AUTS2: variants seen among roughly 807,000 people sequenced by gnomAD.
The protein encoded by AUTS2 is autism susceptibility gene 2 protein.
A neutral mutation model predicts 112.4 loss-of-function variants in AUTS2; 17 were observed. The ratio of observed to expected loss-of-function variants is 0.15; its 90% confidence interval spans 0.10 to 0.23. The LOEUF is 0.23. AUTS2 is among the 10% of genes least tolerant of loss of function. AUTS2 has a pLI of 1.00. For missense variants in AUTS2, 1,510 were observed against 1,701.6 expected (o/e 0.89, Z 1.98); for synonymous variants, 751 against 702.7 (o/e 1.07, Z -1.09).
At chr7:70,318,246 A>G (rs1192659378) in intron 4 of AUTS2, among the ~76,000 whole-genome samples, 2 of 152,082 alleles carry the variant, frequency 1.3e-5, no homozygotes, top group Non-Finnish European at 2.9e-5. Context: ...TCATAGGTAG[A>G]GTGTAGGACA....
At chr7:70,408,179 GAAAA>G (rs773854684) in intron 4 of AUTS2, among the ~76,000 whole-genome samples, 1 of 137,082 alleles carries the variant, frequency 7.3e-6, no homozygotes, top group African/African-American at 2.7e-5. Context: ...AGACCCTGTG[GAAAA>G]AAAAAAAAAA....
intron 1 of AUTS2, among the ~76,000 whole-genome samples, chr7:69,600,428 T>TGTGA (rs1249418122): frequency 2.6e-5 from 4 of 150,992 alleles, no homozygotes; most frequent in South Asian, 2.1e-4. Context: ...TGTGTGTGTG[T>TGTGA]GTGTGTGTGT....
chr7:69,899,574 C>T (rs1411555984), intron 2 of AUTS2, 76 bp downstream of exon 2: 27 of 1,388,722 alleles, frequency 1.9e-5, no homozygotes, highest in East Asian at 6.9e-5. Context: ...TGTGGTTTTT[C>T]GTAACAGGTG....
At chr7:70,572,937 G>A (rs1200231314) in intron 5 of AUTS2, among the ~76,000 whole-genome samples, 1 of 152,216 alleles carries the variant, frequency 6.6e-6, no homozygotes, top group Non-Finnish European at 1.5e-5. Context: ...GCTAGCTTCA[G>A]AGACTAGATC....
At chr7:69,644,460 TG>T (rs1794933697) in intron 1 of AUTS2, among the ~76,000 whole-genome samples, 1 of 151,756 alleles carries the variant, frequency 6.6e-6, no homozygotes, top group African/African-American at 2.4e-5. Flanking sequence ...TGGGAAGTTA[TG>T]TAGTGAATTC....
chr7:70,769,975 A>AT (rs1344781665), intron 10 of AUTS2, among the ~76,000 whole-genome samples: 1 of 152,210 alleles, frequency 6.6e-6, no homozygotes, highest in Non-Finnish European at 1.5e-5. Context: ...AATTGTAAAC[A>AT]TTAAAGGGAA....
chr7:70,135,881 A>G (rs1210705345), intron 4 of AUTS2, among the ~76,000 whole-genome samples: 2 of 152,154 alleles, frequency 1.3e-5, no homozygotes, highest in African/African-American at 2.4e-5. Context: ...GAGATGCTGG[A>G]AGTAAAATCT....
intron 4 of AUTS2, among the ~76,000 whole-genome samples, chr7:70,408,977 T>G (rs1463703253): frequency 6.6e-6 from 1 of 152,230 alleles, no homozygotes; most frequent in Non-Finnish European, 1.5e-5. Flanking sequence ...ATTTGAAGCA[T>G]TATAAATCTA....
chr7:70,118,355 C>T (rs148780048), intron 3 of AUTS2, 122 bp downstream of exon 3: 6 of 1,157,670 alleles, frequency 5.2e-6, no homozygotes, highest in Middle Eastern at 3.1e-4. Flanking sequence ...TTTTGTCTAC[C>T]CAAGCATTGC....
chr7:70,482,933 T>A (rs1196321083), intron 5 of AUTS2, among the ~76,000 whole-genome samples: 1 of 152,204 alleles, frequency 6.6e-6, no homozygotes, highest in Non-Finnish European at 1.5e-5. Context: ...AGGAGGATAA[T>A]TGTGTGGAAC....
At position 69,863,090 on chromosome 7, in the gene AUTS2, TACATTCTTACATAC is replaced by T. The variant is rs1241637941; in HGVS notation, c.310-36191_310-36178del. On this transcript the variant is annotated intron_variant, in intron 1 of 18. Transcript: ENST00000342771. ...GAGGACTCGGGGTGGTGATAGGGTG[TACATTCTTACATAC>T]ACATATGTGTATATTTGTATATACA... Among the ~76,000 whole-genome samples the T allele has an allele frequency of 2.6e-5, 4 of 152,302 alleles. No individual in the cohort carries two copies. In the East Asian group the frequency reaches 7.7e-4, roughly 29 times the overall value.
At chr7:70,160,389 T>C (rs1808012345) in intron 4 of AUTS2, among the ~76,000 whole-genome samples, 1 of 152,202 alleles carries the variant, frequency 6.6e-6, no homozygotes, top group South Asian at 2.1e-4. Context: ...TAATTCTAGA[T>C]GTGTGAATTC....
rs552083338 is a variant in AUTS2, at chr7:70,430,937, G to T, written c.661-4815G>T. Reference sequence around the variant, plus strand: ...TGCAAGCTCCGCCTCCCGGGTTCGCGCCATTCTCCTGCCTCAGCCTCCCAA... The same window carrying T: ...TGCAAGCTCCGCCTCCCGGGTTCGCTCCATTCTCCTGCCTCAGCCTCCCAA... On this transcript the variant is annotated intron_variant, in intron 4 of 18. Transcript: ENST00000342771. 1.3e-3 allele frequency among the ~76,000 whole-genome samples: 198 copies of T among 148,274 alleles called. 1 individual carries two copies. In the Middle Eastern group the frequency reaches 0.014, roughly 11 times the overall value.
At chr7:70,392,091 T>C (rs1349356629) in intron 4 of AUTS2, among the ~76,000 whole-genome samples, 1 of 152,180 alleles carries the variant, frequency 6.6e-6, no homozygotes, top group African/African-American at 2.4e-5. Context: ...AGATAACTCA[T>C]AGTATGCTAT....
intron 1 of AUTS2, among the ~76,000 whole-genome samples, chr7:69,732,671 TA>T (rs1418643633): frequency 1.3e-5 from 2 of 152,112 alleles, no homozygotes; most frequent in African/African-American, 4.8e-5. Flanking sequence ...CTCTCTTGAG[TA>T]AAAAATAAAG....
intron 6 of AUTS2, among the ~76,000 whole-genome samples, chr7:70,741,220 T>C (rs775611852): frequency 6.6e-6 from 1 of 152,142 alleles, no homozygotes; most frequent in Non-Finnish European, 1.5e-5. Flanking sequence ...TAGTCAGTTC[T>C]GTTACAACGC....
At chr7:70,495,513 G>C (rs1173482278) in intron 5 of AUTS2, among the ~76,000 whole-genome samples, 2 of 151,734 alleles carry the variant, frequency 1.3e-5, no homozygotes, top group African/African-American at 4.9e-5. Flanking sequence ...CAGAAATTTG[G>C]TGAAACTCTT....
chr7:70,508,106 A>G (rs569521952), intron 5 of AUTS2, among the ~76,000 whole-genome samples: 2 of 152,130 alleles, frequency 1.3e-5, no homozygotes, highest in South Asian at 2.1e-4. Context: ...GTGCAATTCC[A>G]TGGGGGTAGC....
intron 1 of AUTS2, among the ~76,000 whole-genome samples, chr7:69,707,109 C>G (rs1011976197): frequency 6.6e-6 from 1 of 152,148 alleles, no homozygotes; most frequent in African/African-American, 2.4e-5. Context: ...TTAAAATTTT[C>G]TTTTGGTCAC....
Sources: gnomAD v4.1 joint callset for allele counts (sites outside exome capture counted in the v4.1 genomes callset) on GRCh38, gnomAD v4.1.1 for gene constraint, MANE v1.5 for transcripts, NCBI Gene and HGNC (gene_info 2026-07-23, HGNC 2026-07-21) for gene names.